NUP133: variants seen among roughly 807,000 people sequenced by gnomAD.
NUP133 encodes the protein nuclear pore complex protein Nup133.
A neutral mutation model predicts 146.2 loss-of-function variants in NUP133; 66 were observed. The ratio of observed to expected loss-of-function variants is 0.45; its 90% confidence interval spans 0.37 to 0.55. The LOEUF is 0.55. NUP133 is among the 20% of genes least tolerant of loss of function. The probability of loss-of-function intolerance (pLI) is 0.00; values close to 1 mark genes in which losing one functional copy is unlikely to be tolerated. For synonymous variants in NUP133, 521 were observed against 498.8 expected (o/e 1.04, Z -0.59); for missense variants, 1,277 against 1,374.8 (o/e 0.93, Z 1.12).
intron 9 of NUP133, among the ~76,000 whole-genome samples, chr1:229,489,112 C>A (rs1661439364): frequency 6.6e-6 from 1 of 152,090 alleles, no homozygotes; most frequent in Admixed American, 6.6e-5. Context: ...CTAAACCAAA[C>A]CCTAATTCCT....
intron 16 of NUP133, 123 bp downstream of exon 16, chr1:229,466,511 G>T: frequency 4.1e-6 from 4 of 969,418 alleles, no homozygotes; most frequent in Non-Finnish European, 4.4e-6. Context: ...ACTTTTTTGG[G>T]ATTAACAAAT....
chr1:229,483,047 A>G (rs1019889679), intron 12 of NUP133, among the ~76,000 whole-genome samples: 1 of 152,212 alleles, frequency 6.6e-6, no homozygotes, highest in Non-Finnish European at 1.5e-5. Flanking sequence ...ATGAGTCACT[A>G]AGGTTTGTGG....
In NUP133 at chr1:229,494,972, G is replaced by A. The variant is rs556777101; in HGVS notation, c.1046+523C>T. Among the ~76,000 whole-genome samples, 8 of 152,306 alleles carry A rather than the reference G, an allele frequency of 5.3e-5. No individual in the cohort carries two copies. In the South Asian group the frequency reaches 1.0e-3, roughly 20 times the overall value. On this transcript the variant is annotated intron_variant, in intron 8 of 25. Coordinates refer to ENST00000261396, the MANE Select transcript of NUP133 (RefSeq NM_018230.3). ...GCTTTGTCTCTAACGAATGAGACAC[G>A]AAGGTAAGAATATACTATTTAAGGC...
intron 12 of NUP133, 69 bp downstream of exon 12, chr1:229,483,985 A>G: frequency 9.1e-7 from 1 of 1,096,132 alleles, no homozygotes; most frequent in Non-Finnish European, 1.4e-6. Context: ...ACCAGTCAAT[A>G]AGTAGCACAT....
intron 9 of NUP133, 129 bp downstream of exon 9, chr1:229,489,826 A>C: frequency 1.4e-6 from 1 of 715,918 alleles, no homozygotes; most frequent in Non-Finnish European, 2.1e-6. Context: ...CAGTGAGCTG[A>C]GATCAAGCCA....
Position 229,441,934 on chromosome 1 carries a change from A to C in NUP133, c.3441T>G (p.Asn1147Lys). 6.3e-7 allele frequency: 1 copy of C among 1,580,742 alleles called. No homozygotes were observed. Among genetic ancestry groups the C allele is most frequent in the Non-Finnish European group, 8.5e-7 (1 of 1,170,868 alleles). ...TTTGTCCCTGAACATAATATTCATA[A>C]TTTGCTTTCAAAACAAACTCGAAGT... ...NPYFEFVLKANYEYYVQGQI is the reference protein window; with the variant it reads ...NPYFEFVLKAKYEYYVQGQI Residue 1147 changes from asparagine to lysine, a missense_variant, in exon 26 of 26, where the codon AAT becomes AAG. Physicochemically the swap from Asn to Lys is moderately conservative, Grantham distance 94. Transcript: ENST00000261396.
chr1:229,459,992 G>A (rs937355617), intron 20 of NUP133, among the ~76,000 whole-genome samples: 1 of 152,052 alleles, frequency 6.6e-6, no homozygotes, highest in Non-Finnish European at 1.5e-5. Context: ...GTGCATCAGG[G>A]TTCCCTTTTC....
chr1:229,461,007 C>T (rs527670118), intron 19 of NUP133, among the ~76,000 whole-genome samples: 99 of 152,268 alleles, frequency 6.5e-4, no homozygotes, highest in Admixed American at 1.8e-3. Context: ...TCTAGATGTG[C>T]GCTGGCCAAT....
chr1:229,502,575 A>G (rs1396353727), intron 2 of NUP133, among the ~76,000 whole-genome samples: 14 of 151,482 alleles, frequency 9.2e-5, no homozygotes, highest in South Asian at 4.2e-4. Flanking sequence ...AAAAAAAAAA[A>G]AAAAAGAAAG....
intron 14 of NUP133, among the ~76,000 whole-genome samples, chr1:229,474,704 C>T (rs1661034828): frequency 6.6e-6 from 1 of 152,140 alleles, no homozygotes; most frequent in African/African-American, 2.4e-5. Flanking sequence ...AGAACATTCC[C>T]ATGATCACAG....
rs747469092 is a variant in NUP133, at chr1:229,441,865, T to C, written c.*39A>G. On this transcript the variant is annotated 3_prime_UTR_variant, in exon 26 of 26. Transcript: ENST00000261396. ...CCTAAAATTTGTATAAGGACACACT[T>C]ATACAGATTTCATAAACAATGGCCA... The C allele has an allele frequency of 3.3e-6, 5 of 1,511,328 alleles. No homozygotes were observed. Among genetic ancestry groups the C allele is most frequent in the Non-Finnish European group, 4.4e-6 (5 of 1,124,718 alleles). The allele number at this position is 1,511,328 out of a possible 1,614,324, so 93.6% of individuals were successfully genotyped here.
chr1:229,500,937 T>C, intron 3 of NUP133, 74 bp from the exon 4 acceptor site: 2 of 866,036 alleles, frequency 2.3e-6, no homozygotes, highest in Non-Finnish European at 3.7e-6. Flanking sequence ...ATTTCCCTTC[T>C]CTGCATATTT....
chr1:229,495,773 C>A, intron 7 of NUP133, 119 bp downstream of exon 7: 1 of 979,596 alleles, frequency 1.0e-6, no homozygotes, highest in Non-Finnish European at 1.5e-6. Flanking sequence ...ATCTGATAAC[C>A]ATACACTATG....
At chr1:229,496,632 C>T (rs1289914104) in intron 6 of NUP133, among the ~76,000 whole-genome samples, 1 of 152,046 alleles carries the variant, frequency 6.6e-6, no homozygotes, top group Non-Finnish European at 1.5e-5. Context: ...AGAAGTCATC[C>T]TGTTACATTG....
intron 19 of NUP133, among the ~76,000 whole-genome samples, chr1:229,462,588 T>A (rs1660717527): frequency 1.3e-5 from 2 of 151,340 alleles, no homozygotes; most frequent in Non-Finnish European, 1.5e-5. Context: ...TAAAGATAGG[T>A]CTTCCTCTGT....
intron 21 of NUP133, among the ~76,000 whole-genome samples, chr1:229,455,079 G>T (rs925795292): frequency 6.6e-6 from 1 of 152,112 alleles, no homozygotes; most frequent in African/African-American, 2.4e-5. Flanking sequence ...AAGTTCTGGA[G>T]AAAATATTGA....
Position 229,498,242 on chromosome 1 carries a change from C to T in NUP133, c.713G>A (p.Gly238Glu), listed in dbSNP as rs376638411. 3 of 1,612,194 alleles carry T rather than the reference C, an allele frequency of 1.9e-6. No homozygotes were observed. The highest frequency in any genetic ancestry group is 2.5e-6 in the Non-Finnish European group (3 of 1,179,470). Residue 238 changes from glycine to glutamate, a missense_variant, in exon 6 of 26, where the codon GGA becomes GAA. By Grantham distance (98) the Gly-to-Glu change is moderately conservative. Around this residue, in one of 3 missense-constraint regions of NUP133, gnomAD observed 319 missense variants for 306.9 expected, o/e 1.04. Transcript: ENST00000261396. The part of the protein sequence containing the change: ...QLIRLIPESS[G>E]KIHQHILPQG... Reference sequence around the variant, plus strand: ...AGGCAGGATATGCTGATGAATCTTTCCTGAGCTCTCAGGTATCAACCGAAT... The same window carrying T: ...AGGCAGGATATGCTGATGAATCTTTTCTGAGCTCTCAGGTATCAACCGAAT...
At chr1:229,450,044 AT>A (rs762006088) in intron 23 of NUP133, among the ~76,000 whole-genome samples, 89 of 139,274 alleles carry the variant, frequency 6.4e-4, no homozygotes, top group Admixed American at 9.3e-4. Context: ...TACCCATCTA[AT>A]TTTTTTTTTT....
chr1:229,473,903 G>T (rs1040256901), intron 14 of NUP133, among the ~76,000 whole-genome samples: 1 of 150,938 alleles, frequency 6.6e-6, no homozygotes, highest in Non-Finnish European at 1.5e-5. Flanking sequence ...CAGCCTGGGC[G>T]ATGGGAGTGA....
Sources: allele counts gnomAD v4.1 joint callset (sites outside exome capture counted in the v4.1 genomes callset), GRCh38; gene constraint gnomAD v4.1.1; regional missense constraint gnomAD v4.1.1; transcripts MANE v1.5; gene names NCBI Gene and HGNC (gene_info 2026-07-23, HGNC 2026-07-21).